The following PCDH15 variants were observed in gnomAD, a reference collection of about 807,000 sequenced individuals.
PCDH15 encodes protocadherin related 15.
A neutral mutation model predicts 178.5 loss-of-function variants in PCDH15; 129 were observed. The ratio of observed to expected loss-of-function variants is 0.72; its 90% CI spans 0.63 to 0.84. PCDH15 has a LOEUF of 0.84. Among genes scored for constraint, PCDH15 ranks in the 40% least tolerant of loss-of-function variants. The probability of loss-of-function intolerance (pLI) is 0.00; values close to 1 mark genes in which losing one functional copy is unlikely to be tolerated. For synonymous variants in PCDH15, 800 were observed against 732.0 expected (o/e 1.09, Z -1.50); for missense variants, 2,230 against 2,099.9 (o/e 1.06, Z -1.21).
At chr10:53,857,972 T>G (rs2078865465) in intron 27 of PCDH15, among the ~76,000 whole-genome samples, 1 of 152,068 alleles carries the variant, frequency 6.6e-6, no homozygotes, top group Non-Finnish European at 1.5e-5. Flanking sequence ...TTGAAATCTA[T>G]CAACAGAATC....
chr10:54,211,647 G>T (rs1219137114), intron 10 of PCDH15, among the ~76,000 whole-genome samples: 1 of 152,026 alleles, frequency 6.6e-6, no homozygotes, highest in East Asian at 1.9e-4. Flanking sequence ...TAGGAGAAGA[G>T]ACTTCATTTT....
intron 3 of PCDH15, among the ~76,000 whole-genome samples, chr10:54,398,644 T>C (rs1166454991): frequency 6.6e-6 from 1 of 152,040 alleles, no homozygotes; most frequent in Non-Finnish European, 1.5e-5. Context: ...ACATAGTATC[T>C]TATTCTTGTG....
chr10:54,522,385 A>G lies in PCDH15; in HGVS notation c.157+5427T>C, dbSNP rs200997182. 2.0e-5 allele frequency among the ~76,000 whole-genome samples: 3 copies of G among 152,272 alleles called. No individual in the cohort carries two copies. In the East Asian group the frequency reaches 5.8e-4, roughly 29 times the overall value. ...CATCTTCTCCAGCTATCTTCTTGCC[A>G]TTTCTTAAACTTATCAGCATATTCA... On this transcript the variant is annotated intron_variant, in intron 3 of 37. Coordinates refer to ENST00000644397, the MANE Select transcript of PCDH15 (RefSeq NM_001384140.1).
chr10:55,341,378 G>A (rs1320099971), intron 2 of PCDH15, among the ~76,000 whole-genome samples: 1 of 151,800 alleles, frequency 6.6e-6, no homozygotes, highest in African/African-American at 2.4e-5. Flanking sequence ...TGACAAATTG[G>A]AATGTTATAA....
At chr10:54,167,432 C>A (rs1316464103) in intron 13 of PCDH15, among the ~76,000 whole-genome samples, 1 of 152,118 alleles carries the variant, frequency 6.6e-6, no homozygotes, top group Non-Finnish European at 1.5e-5. Flanking sequence ...ACCCAAAACT[C>A]CGGCGCCGGT....
chr10:54,607,175 T>C (rs2092780369), intron 2 of PCDH15, among the ~76,000 whole-genome samples: 1 of 152,080 alleles, frequency 6.6e-6, no homozygotes. Context: ...ATGAGTTGTT[T>C]TATATGTTTA....
At chr10:54,315,036 C>T (rs1188430899) in intron 8 of PCDH15, among the ~76,000 whole-genome samples, 3 of 152,088 alleles carry the variant, frequency 2.0e-5, no homozygotes, top group Non-Finnish European at 2.9e-5. Flanking sequence ...GATTTATATT[C>T]CTCTGGGTAT....
chr10:55,031,136 G>A (rs1840600021), intron 2 of PCDH15, among the ~76,000 whole-genome samples: 1 of 151,996 alleles, frequency 6.6e-6, no homozygotes, highest in Non-Finnish European at 1.5e-5. Flanking sequence ...AGTTGTTAAA[G>A]GCAGAAAGAC....
intron 2 of PCDH15, among the ~76,000 whole-genome samples, chr10:54,615,300 A>T (rs73249288): frequency 6.6e-5 from 10 of 152,174 alleles, no homozygotes; most frequent in African/African-American, 2.4e-4. Flanking sequence ...TCTTTACCAG[A>T]TACAATGTTT....
At chr10:55,525,592 T>G (rs1243852546) in intron 2 of PCDH15, among the ~76,000 whole-genome samples, 2 of 151,930 alleles carry the variant, frequency 1.3e-5, no homozygotes, top group African/African-American at 4.8e-5. Context: ...TTACATGTAT[T>G]TCTTCTTGTA....
intron 1 of PCDH15, among the ~76,000 whole-genome samples, chr10:54,707,579 T>G (rs1186617289): frequency 6.6e-6 from 1 of 152,156 alleles, no homozygotes; most frequent in East Asian, 1.9e-4. Context: ...AGCATGTAGA[T>G]TTAAGATTCC....
intron 25 of PCDH15, among the ~76,000 whole-genome samples, chr10:53,911,361 T>A (rs1432464920): frequency 1.3e-5 from 2 of 152,142 alleles, no homozygotes; most frequent in African/African-American, 2.4e-5. Flanking sequence ...GAACGACTAC[T>A]GGGTAAATAA....
chr10:54,920,276 G>C (rs1837450264), intron 2 of PCDH15, among the ~76,000 whole-genome samples: 1 of 151,770 alleles, frequency 6.6e-6, no homozygotes, highest in African/African-American at 2.4e-5. Flanking sequence ...CGAGACCATC[G>C]TGGCTAACAC....
chr10:55,321,109 AAG>A (rs1028486655), upstream of PCDH15, among the ~76,000 whole-genome samples: 1 of 152,054 alleles, frequency 6.6e-6, no homozygotes, highest in African/African-American at 2.4e-5. Flanking sequence ...GAAGGAAGGA[AAG>A]AGAGAGAAAG....
intron 3 of PCDH15, among the ~76,000 whole-genome samples, chr10:54,848,144 C>T (rs1836440211): frequency 6.6e-6 from 1 of 151,956 alleles, no homozygotes; most frequent in African/African-American, 2.4e-5. Context: ...TTTGGGAGGC[C>T]AAGGTGGGCA....
intron 31 of PCDH15, 25 bp downstream of exon 31, chr10:53,828,540 T>G: frequency 2.0e-6 from 3 of 1,536,922 alleles, no homozygotes; most frequent in Non-Finnish European, 2.7e-6. Context: ...ATGAAAAGGA[T>G]GTGTAAAATG....
At chr10:55,021,818 TGG>T (rs1840336617) in intron 2 of PCDH15, among the ~76,000 whole-genome samples, 1 of 151,958 alleles carries the variant, frequency 6.6e-6, no homozygotes, top group Non-Finnish European at 1.5e-5. Flanking sequence ...AAGTAATAAA[TGG>T]GTCTGCATAT....
chr10:54,564,296 G>A (rs1464140245), intron 2 of PCDH15, among the ~76,000 whole-genome samples: 1 of 152,128 alleles, frequency 6.6e-6, no homozygotes, highest in Non-Finnish European at 1.5e-5. Context: ...TCTAATTTAA[G>A]GCAAAGGTGG....
At chr10:54,140,062 G>A (rs2043249424) in intron 14 of PCDH15, among the ~76,000 whole-genome samples, 1 of 152,024 alleles carries the variant, frequency 6.6e-6, no homozygotes, top group Non-Finnish European at 1.5e-5. Flanking sequence ...AGTTGAAAAA[G>A]CTTAGATAAT....
Sources: allele counts gnomAD v4.1 joint callset (sites outside exome capture counted in the v4.1 genomes callset), GRCh38; gene constraint gnomAD v4.1.1; transcripts MANE v1.5; gene names NCBI Gene and HGNC (gene_info 2026-07-23, HGNC 2026-07-21).